ARL3: variants seen among roughly 807,000 people sequenced by gnomAD.
The protein encoded by ARL3 is ADP-ribosylation factor-like protein 3.
ARL3 carries 9 observed loss-of-function variants against 26.0 expected under a neutral mutation model. The observed-to-expected ratio is 0.35, with a 90% CI of 0.21 to 0.60. The LOEUF (loss-of-function observed/expected upper bound fraction) is 0.60, where lower values mean the gene tolerates loss of function less well. Ranked by LOEUF, ARL3 falls within the 20% of genes least tolerant of loss-of-function variation. The probability of loss-of-function intolerance (pLI) is 0.78; values close to 1 mark genes in which losing one functional copy is unlikely to be tolerated. For synonymous variants in ARL3, 71 were observed against 78.4 expected (o/e 0.91, Z 0.50); for missense variants, 158 against 215.7 (o/e 0.73, Z 1.67).
intron 2 of ARL3, among the ~76,000 whole-genome samples, chr10:102,702,074 C>G (rs2064282773): frequency 6.6e-6 from 1 of 150,786 alleles, no homozygotes; most frequent in Non-Finnish European, 1.5e-5. Context: ...GCCTGCAGTC[C>G]TAACTACTCA....
At chr10:102,691,176 G>A (rs555271159) in intron 3 of ARL3, among the ~76,000 whole-genome samples, 30 of 152,042 alleles carry the variant, frequency 2.0e-4, no homozygotes, top group African/African-American at 7.2e-4. Flanking sequence ...CACTGTGCAG[G>A]TTAGTTACAT....
chr10:102,714,284 C>T lies in ARL3; in HGVS notation c.-9G>A. ...GCCCCCACACTCACCATCCTCCCGC[C>T]GAGTCCCTCCTCCTCCTCCTCCTCC... On this transcript the variant is annotated 5_prime_UTR_variant, in exon 1 of 6. Transcript: ENST00000260746. The T allele has an allele frequency of 7.6e-6, 10 of 1,313,130 alleles. No homozygotes were observed. Among genetic ancestry groups the T allele is most frequent in the Non-Finnish European group, 9.8e-6 (10 of 1,022,644 alleles). 81.3% of individuals were successfully genotyped at this position (1,313,130 alleles called of 1,614,324 possible). A position where few individuals can be genotyped will look rare whatever the true frequency, so the allele number is the denominator to read the frequency against.
chr10:102,708,784 A>C (rs1399497742), intron 1 of ARL3, among the ~76,000 whole-genome samples: 8 of 151,544 alleles, frequency 5.3e-5, no homozygotes, highest in Non-Finnish European at 1.2e-4. Context: ...TAAACCCAGG[A>C]GGTAGAGGTT....
At chr10:102,713,706 C>A (rs1052919174) in intron 1 of ARL3, among the ~76,000 whole-genome samples, 1 of 152,192 alleles carries the variant, frequency 6.6e-6, no homozygotes, top group African/African-American at 2.4e-5. Flanking sequence ...CCAGGCATCC[C>A]TTCCAAGCGG....
rs968762773 is a variant in ARL3, at chr10:102,697,864, C to T, written c.264+1509G>A. ...ACCAATGTTAAATGGCCTGATAGGTCAAGTGAGATGAGTACTGAAAACTGA... is the reference window on the plus strand; with the variant it reads ...ACCAATGTTAAATGGCCTGATAGGTTAAGTGAGATGAGTACTGAAAACTGA... On this transcript the variant is annotated intron_variant, in intron 3 of 5. Coordinates refer to ENST00000260746, the MANE Select transcript of ARL3 (RefSeq NM_004311.4). 6.6e-5 allele frequency among the ~76,000 whole-genome samples: 10 copies of T among 152,124 alleles called. 1 individual carries two copies. The highest frequency in any genetic ancestry group is 2.0e-4 in the Admixed American group (3 of 15,258).
intron 1 of ARL3, among the ~76,000 whole-genome samples, chr10:102,711,862 G>C (rs971866228): frequency 4.6e-5 from 7 of 152,114 alleles, no homozygotes; most frequent in Non-Finnish European, 7.4e-5. Flanking sequence ...ACACATAACA[G>C]CCACTGAAAA....
intron 3 of ARL3, among the ~76,000 whole-genome samples, chr10:102,691,706 C>T (rs1222710840): frequency 1.3e-5 from 2 of 152,198 alleles, no homozygotes; most frequent in Non-Finnish European, 2.9e-5. Context: ...TTACGGTACT[C>T]TAGAGATAAT....
intron 3 of ARL3, among the ~76,000 whole-genome samples, chr10:102,692,258 T>G (rs761665188): frequency 2.6e-5 from 4 of 152,338 alleles, no homozygotes; most frequent in Non-Finnish European, 4.4e-5. Context: ...TTACAATCAT[T>G]AATGTCTTTA....
intron 3 of ARL3, among the ~76,000 whole-genome samples, chr10:102,690,536 T>C (rs1473672271): frequency 6.6e-6 from 1 of 152,120 alleles, no homozygotes; most frequent in Non-Finnish European, 1.5e-5. Context: ...TCCACCTGCC[T>C]CAGCCTCCTA....
intron 1 of ARL3, among the ~76,000 whole-genome samples, chr10:102,706,979 T>A (rs1288509211): frequency 6.6e-6 from 1 of 151,976 alleles, no homozygotes; most frequent in East Asian, 1.9e-4. Flanking sequence ...GGCCATTATT[T>A]ATTATTTTTT....
At chr10:102,704,965 A>G (rs2136008451) in intron 2 of ARL3, among the ~76,000 whole-genome samples, 1 of 152,268 alleles carries the variant, frequency 6.6e-6, no homozygotes, top group East Asian at 1.9e-4. Context: ...GTTATAACAT[A>G]AAACGTACCA....
chr10:102,697,588 A>T (rs933926465), intron 3 of ARL3, among the ~76,000 whole-genome samples: 5 of 152,212 alleles, frequency 3.3e-5, no homozygotes, highest in African/African-American at 1.2e-4. Context: ...GGAGAATTCC[A>T]GGCTAGAGAT....
Position 102,707,223 on chromosome 10 carries a change from G to T in ARL3, c.4-1734C>A, listed in dbSNP as rs370962780. Among the ~76,000 whole-genome samples the T allele has an allele frequency of 4.6e-5, 7 of 152,076 alleles. No homozygotes were observed. The East Asian group carries it at 1.2e-3, about 25-fold the overall frequency. On this transcript the variant is annotated intron_variant, in intron 1 of 5. Coordinates refer to ENST00000260746, the MANE Select transcript of ARL3 (RefSeq NM_004311.4). ...TGAGGTGAGAGAATTGCTAGAGCCT[G>T]GGAGGTCGAGATTGCAGTAAGCTGT...
At chr10:102,686,439 G>A (rs2064186073) in intron 4 of ARL3, among the ~76,000 whole-genome samples, 1 of 148,454 alleles carries the variant, frequency 6.7e-6, no homozygotes, top group African/African-American at 2.5e-5. Flanking sequence ...TTCAAGAGTA[G>A]TGATTCTCAA....
chr10:102,686,209 C>T (rs954618910), intron 4 of ARL3, among the ~76,000 whole-genome samples: 6 of 151,156 alleles, frequency 4.0e-5, no homozygotes, highest in Admixed American at 2.6e-4. Flanking sequence ...GTAGCTGGGA[C>T]TACAGGCATG....
At chr10:102,691,222 C>A (rs998618029) in intron 3 of ARL3, among the ~76,000 whole-genome samples, 10 of 151,684 alleles carry the variant, frequency 6.6e-5, no homozygotes, top group Non-Finnish European at 1.0e-4. Flanking sequence ...GCTGCACCCA[C>A]TAACTCGTCA....
At chr10:102,696,154 C>T (rs775957613) in intron 3 of ARL3, among the ~76,000 whole-genome samples, 13 of 150,756 alleles carry the variant, frequency 8.6e-5, no homozygotes, top group Non-Finnish European at 1.6e-4. Flanking sequence ...TTAGTAGAGA[C>T]GGGGTTTCAC....
At position 102,675,272 on chromosome 10, in the gene ARL3, G is replaced by A. The variant is rs759662593; in HGVS notation, c.*1622C>T. The A allele has an allele frequency of 6.6e-6, 1 of 152,304 alleles. No homozygotes were observed. Among genetic ancestry groups the A allele is most frequent in the South Asian group, 2.1e-4 (1 of 4,832 alleles). The allele number at this position is 152,304 out of a possible 1,614,324, so 9.4% of individuals were successfully genotyped here. A position where few individuals can be genotyped will look rare whatever the true frequency, so the allele number is the denominator to read the frequency against. On this transcript the variant is annotated 3_prime_UTR_variant, in exon 6 of 6. Transcript: ENST00000260746. ...CAGCAACTCTGGGGCACCTTTTCAC[G>A]GCTGGCTTTGTTAATGACTTTCATG...
chr10:102,675,252 A>G lies in ARL3; in HGVS notation c.*1642T>C, dbSNP rs1426214044. ...AGTCCTTACAGGTCTGTCCACAGCA[A>G]CTCTGGGGCACCTTTTCACGGCTGG... On this transcript the variant is annotated 3_prime_UTR_variant, in exon 6 of 6. Coordinates refer to ENST00000260746, the MANE Select transcript of ARL3 (RefSeq NM_004311.4). 6.6e-6 allele frequency: 1 copy of G among 152,120 alleles called. No individual in the cohort carries two copies. The highest frequency in any genetic ancestry group is 2.4e-5 in the African/African-American group (1 of 41,372). The allele number at this position is 152,120 out of a possible 1,614,324, so 9.4% of individuals were successfully genotyped here. A position where few individuals can be genotyped will look rare whatever the true frequency, so the allele number is the denominator to read the frequency against.
Sources: gnomAD v4.1 joint callset for allele counts (sites outside exome capture counted in the v4.1 genomes callset) on GRCh38, gnomAD v4.1.1 for gene constraint, MANE v1.5 for transcripts, NCBI Gene and HGNC (gene_info 2026-07-23, HGNC 2026-07-21) for gene names.